MID1: variants seen among roughly 807,000 people sequenced by gnomAD.
MID1 encodes E3 ubiquitin-protein ligase Midline-1.
In MID1, 7 loss-of-function variants were observed where a neutral mutation model predicts 40.4. That is an observed-to-expected ratio of 0.17 (90% CI 0.10 to 0.33). MID1 has a LOEUF of 0.33. Among genes scored for constraint, MID1 ranks in the 10% least tolerant of loss-of-function variants. MID1 has a pLI of 1.00. For missense variants in MID1, 367 were observed against 558.5 expected (o/e 0.66, Z 3.46); for synonymous variants, 229 against 221.2 (o/e 1.04, Z -0.31).
intron 1 of MID1, among the ~76,000 whole-genome samples, chrX:10,755,925 C>T (rs2043630343): frequency 8.9e-6 from 1 of 112,037 alleles, no homozygotes; most frequent in Non-Finnish European, 1.9e-5. Flanking sequence ...TAAATGCTTT[C>T]CTGTGCTTGC....
chrX:10,631,744 T>C (rs7062794), intron 1 of MID1, among the ~76,000 whole-genome samples: 6,599 of 111,450 alleles, frequency 0.059, 247 homozygotes, highest in African/African-American at 0.13. Context: ...GCTGAGAAAA[T>C]CAGAACAAAA....
intron 1 of MID1, among the ~76,000 whole-genome samples, chrX:10,657,284 T>C (rs1001378611): frequency 9.0e-6 from 1 of 111,238 alleles, no homozygotes; most frequent in African/African-American, 3.3e-5. Flanking sequence ...CTTGTCTCTC[T>C]CCCCCAAATA....
chrX:10,742,564 G>A (rs1392778407), intron 1 of MID1, among the ~76,000 whole-genome samples: 2 of 112,092 alleles, frequency 1.8e-5, no homozygotes, highest in Admixed American at 9.5e-5. Flanking sequence ...ACTTTAAATG[G>A]TAAAAGAGAA....
rs1166828358 is a variant in MID1, at chrX:10,533,390, G to GA, written c.661-10204dup. 7.6e-3 allele frequency among the ~76,000 whole-genome samples: 271 copies of GA among 35,801 alleles called. 2 individuals are homozygous for GA. Among genetic ancestry groups the GA allele is most frequent in the South Asian group, 0.036 (19 of 535 alleles). The allele number at this position is 35,801 out of a possible 115,157, so 31.1% of individuals were successfully genotyped here. ...AAAGAAAGAAAGAAAAAGAAAGAAA[G>GA]AAAAGAAAGAAAGAAAGAAAGAAAG... On this transcript the variant is annotated intron_variant, in intron 2 of 9. Coordinates refer to ENST00000317552, the MANE Select transcript of MID1 (RefSeq NM_000381.4).
At chrX:10,552,304 G>A (rs1463335697) in intron 2 of MID1, among the ~76,000 whole-genome samples, 1 of 111,024 alleles carries the variant, frequency 9.0e-6, no homozygotes, top group Non-Finnish European at 1.9e-5. Context: ...TGGAAGGACT[G>A]AGGATTCACT....
intron 3 of MID1, among the ~76,000 whole-genome samples, chrX:10,498,727 T>C (rs924155312): frequency 3.6e-5 from 4 of 112,379 alleles, no homozygotes; most frequent in Non-Finnish European, 5.6e-5. Context: ...TAATCTTTTG[T>C]TTGGCTTCTT....
At position 10,449,246 on chromosome X, in the gene MID1, C is replaced by A; in HGVS notation, c.*122G>T. The stretch of plus-strand genomic sequence containing the variant: ...TCTCTTGTTTTGAGCCCTATCTGAG[C>A]CGATTTCGGGACACTTCTGGTGAGA... On this transcript the variant is annotated 3_prime_UTR_variant, in exon 10 of 10. Transcript: ENST00000317552. 1 of 571,943 alleles carries A rather than the reference C, an allele frequency of 1.7e-6. No individual in the cohort carries two copies. Among genetic ancestry groups the A allele is most frequent in the East Asian group, 3.6e-5 (1 of 27,686 alleles). 47.1% of individuals were successfully genotyped at this position (571,943 alleles called of 1,213,427 possible). A position where few individuals can be genotyped will look rare whatever the true frequency, so the allele number is the denominator to read the frequency against.
intron 2 of MID1, among the ~76,000 whole-genome samples, chrX:10,524,252 A>C (rs914826094): frequency 1.8e-5 from 2 of 111,854 alleles, no homozygotes; most frequent in Non-Finnish European, 3.8e-5. Context: ...TGTTCTGGGT[A>C]AGACTCACTA....
chrX:10,461,551 G>A, intron 7 of MID1, among the ~76,000 whole-genome samples: 2 of 111,171 alleles, frequency 1.8e-5, no homozygotes, highest in Non-Finnish European at 3.8e-5. Context: ...CATACTTCTG[G>A]ATAATGCCAC....
At chrX:10,465,260 C>CACACACACACACAT (rs1292370523) in intron 7 of MID1, among the ~76,000 whole-genome samples, 1 of 92,417 alleles carries the variant, frequency 1.1e-5, no homozygotes, top group African/African-American at 4.1e-5. Flanking sequence ...CACACACACA[C>CACACACACACACAT]ATACATATAT....
At chrX:10,586,787 T>C (rs765268996) in intron 1 of MID1, among the ~76,000 whole-genome samples, 3 of 112,797 alleles carry the variant, frequency 2.7e-5, no homozygotes, top group Non-Finnish European at 3.7e-5. Flanking sequence ...TCTAGTTGTT[T>C]TGAGAGATAG....
At chrX:10,669,889 T>A (rs988278483) in intron 1 of MID1, among the ~76,000 whole-genome samples, 6 of 112,110 alleles carry the variant, frequency 5.4e-5, no homozygotes, top group African/African-American at 1.9e-4. Context: ...CCATTGGTCA[T>A]GGGGATATAA....
intron 1 of MID1, among the ~76,000 whole-genome samples, chrX:10,660,145 T>C (rs191862754): frequency 1.8e-5 from 2 of 112,211 alleles, no homozygotes; most frequent in East Asian, 2.8e-4. Flanking sequence ...AGATGGGCTG[T>C]GCAAATAAAA....
intron 9 of MID1, among the ~76,000 whole-genome samples, chrX:10,454,496 C>A (rs763092793): frequency 9.8e-5 from 11 of 112,172 alleles, no homozygotes; most frequent in South Asian, 3.7e-4. Flanking sequence ...AAAAATGGAC[C>A]TGGCTGTATT....
At chrX:10,544,909 C>T (rs1933621328) in intron 2 of MID1, among the ~76,000 whole-genome samples, 1 of 112,366 alleles carries the variant, frequency 8.9e-6, no homozygotes, top group African/African-American at 3.2e-5. Flanking sequence ...TTTGTGGAAA[C>T]ATAGGCTATT....
chrX:10,566,914 A>G lies in MID1; in HGVS notation c.634T>C (p.Leu212=), dbSNP rs1187247693. The G allele has an allele frequency of 5.0e-6, 6 of 1,211,395 alleles. No homozygotes were observed. The highest frequency in any genetic ancestry group is 3.0e-5 in the East Asian group (1 of 33,827). ...TTCAATTTGTCATAGCGCTCACTCA[A>G]AGCTGCCACCTGATGATCGCGGTGC... ...GRHRDHQVAA[L]SERYDKLKQN... Residue 212 remains leucine (L), a synonymous_variant, in exon 2 of 10, where the codon TTG becomes CTG. Transcript: ENST00000317552.
intron 1 of MID1, among the ~76,000 whole-genome samples, chrX:10,719,070 A>G (rs2043327600): frequency 8.9e-6 from 1 of 111,991 alleles, no homozygotes; most frequent in Admixed American, 9.5e-5. Context: ...GCTATTTATG[A>G]CAAAGCCACA....
intron 1 of MID1, among the ~76,000 whole-genome samples, chrX:10,663,159 T>A (rs2042927687): frequency 9.0e-6 from 1 of 111,326 alleles, no homozygotes; most frequent in Non-Finnish European, 1.9e-5. Context: ...AATGTACCCA[T>A]CTAATGTGGA....
intron 3 of MID1, among the ~76,000 whole-genome samples, chrX:10,497,610 G>A (rs1398901587): frequency 9.0e-6 from 1 of 111,403 alleles, no homozygotes; most frequent in African/African-American, 3.3e-5. Flanking sequence ...ATCCCCACTG[G>A]TCCACGTGAC....
Sources: gnomAD v4.1 joint callset for allele counts (sites outside exome capture counted in the v4.1 genomes callset) on GRCh38, gnomAD v4.1.1 for gene constraint, MANE v1.5 for transcripts, NCBI Gene and HGNC (gene_info 2026-07-23, HGNC 2026-07-21) for gene names.